LHX6: variants seen among roughly 807,000 people sequenced by gnomAD.
LHX6 encodes LIM/homeobox protein Lhx6.
Under a neutral mutation model 47.1 loss-of-function variants are expected in LHX6, and 15 were observed. The observed-to-expected ratio is 0.32, with a 90% CI of 0.21 to 0.49. The LOEUF (loss-of-function observed/expected upper bound fraction) is 0.49, where lower values mean the gene tolerates loss of function less well. Ranked by LOEUF, LHX6 falls within the 20% of genes least tolerant of loss-of-function variation. The probability of loss-of-function intolerance (pLI) is 0.99; values close to 1 mark genes in which losing one functional copy is unlikely to be tolerated. For missense variants in LHX6, 404 were observed against 539.6 expected, an observed-to-expected ratio of 0.75 and a Z score of 2.49; for synonymous variants, 242 against 233.5, an observed-to-expected ratio of 1.04 and a Z score of -0.33.
At chr9:122,208,779 G>A (rs1469422655) in intron 9 of LHX6, among the ~76,000 whole-genome samples, 2 of 149,880 alleles carry the variant, frequency 1.3e-5, no homozygotes, top group Admixed American at 6.7e-5. Flanking sequence ...AGGTTGCAGT[G>A]AGCCGAGATT....
rs1208661250 is a variant in LHX6, at chr9:122,217,302, G to A, written c.462-14C>T. ...GTCCCGAATCGGCTGCAGGTCGAGA[G>A]GACAGGCACGGGGTGTCGAGACTCA... is the stretch of plus-strand genomic sequence containing the variant. On this transcript the variant is annotated splice_polypyrimidine_tract_variant and intron_variant, in intron 4 of 9. Transcript: ENST00000394319. The surrounding 1 kb of genome is among the most constrained non-coding windows in gnomAD (Gnocchi z 4.9). The A allele has an allele frequency of 1.2e-6, 2 of 1,600,930 alleles. No individual in the cohort carries two copies. The highest frequency in any genetic ancestry group is 8.5e-7 in the Non-Finnish European group (1 of 1,175,530).
intron 5 of LHX6, 76 bp downstream of exon 5, chr9:122,216,992 G>A: frequency 3.2e-6 from 4 of 1,254,498 alleles, no homozygotes; most frequent in Non-Finnish European, 4.6e-6. Flanking sequence ...GAGTGTGGGT[G>A]GTTCCTGGGG....
chr9:122,214,313 C>A lies in LHX6; in HGVS notation c.753G>T (p.Ala251=). 1 of 1,599,676 alleles carries A rather than the reference C, an allele frequency of 6.3e-7. No homozygotes were observed. The highest frequency in any genetic ancestry group is 1.7e-5 in the Admixed American group (1 of 58,702). Residue 251 remains alanine, a synonymous_variant, in exon 6 of 10, where the codon GCG becomes GCT. Coordinates refer to ENST00000394319, the MANE Select transcript of LHX6 (RefSeq NM_014368.5). This position sits in a 1 kb window ranked among gnomAD's most constrained non-coding sequence, Gnocchi z 4.6. ...QDSQPKPAKR[A]RTSFTAEQLQ... ...GCTGTTCCGCGGTGAAGGACGTCCGCGCGCGCTTGGCCGGCTTGGGTTGAC... is the reference window on the plus strand; with the variant it reads ...GCTGTTCCGCGGTGAAGGACGTCCGAGCGCGCTTGGCCGGCTTGGGTTGAC...
intron 4 of LHX6, among the ~76,000 whole-genome samples, chr9:122,219,497 C>T (rs1055142780): frequency 1.3e-5 from 2 of 152,182 alleles, no homozygotes; most frequent in East Asian, 3.9e-4. Context: ...CCGGGTTCCG[C>T]CACCCGGCTG....
At chr9:122,209,790 A>G (rs1830331497) in intron 8 of LHX6, 73 bp from the exon 9 acceptor site, 8 of 672,260 alleles carry the variant, frequency 1.2e-5, no homozygotes, top group Middle Eastern at 2.6e-4. Flanking sequence ...CGTGCTCTCT[A>G]CAGACTGGAG....
At chr9:122,222,309 T>A (rs1373024919) in intron 4 of LHX6, among the ~76,000 whole-genome samples, 1 of 152,212 alleles carries the variant, frequency 6.6e-6, no homozygotes, top group Admixed American at 6.5e-5. Context: ...GGAGCACTAT[T>A]CTTCCTCCAG....
In LHX6 at chr9:122,217,731, G is replaced by A. The variant is rs1035641690; in HGVS notation, c.462-443C>T. ...AGAGAGGTAAAGTAACTTGCAGGAG[G>A]TCACACCGCTTGCAATGATAGGAAC... On this transcript the variant is annotated intron_variant, in intron 4 of 9. Transcript: ENST00000394319. This position sits in a 1 kb window ranked among gnomAD's most constrained non-coding sequence, Gnocchi z 4.9. 6.6e-6 allele frequency among the ~76,000 whole-genome samples: 1 copy of A among 152,130 alleles called. No individual in the cohort carries two copies. Among genetic ancestry groups the A allele is most frequent in the Non-Finnish European group, 1.5e-5 (1 of 68,028 alleles).
At chr9:122,205,643 G>A (rs892258521) in intron 9 of LHX6, among the ~76,000 whole-genome samples, 4 of 152,250 alleles carry the variant, frequency 2.6e-5, no homozygotes, top group Middle Eastern at 3.4e-3. Flanking sequence ...CCCAGAACTG[G>A]TTATCACAAG....
chr9:122,213,645 C>T lies in LHX6; in HGVS notation c.1015G>A (p.Glu339Lys), dbSNP rs1156240673. 4 of 1,608,910 alleles carry T rather than the reference C, an allele frequency of 2.5e-6. No individual in the cohort carries two copies. In the South Asian group the frequency reaches 3.3e-5, roughly 13 times the overall value. ...DIHYTPFSSP[E>K]RARMVTLHGY... ...TGCAGGGTGACCATGCGCGCCCGCT[C>T]GGGGCTGCTGAACGGGGTGTAGTGG... Residue 339 changes from glutamate to lysine, a missense_variant, in exon 8 of 10, where the codon GAG (glutamate) becomes AAG (lysine). Physicochemically the swap from Glu to Lys is moderately conservative, Grantham distance 56. Coordinates refer to ENST00000394319, the MANE Select transcript of LHX6 (RefSeq NM_014368.5). This position sits in a 1 kb window ranked among gnomAD's most constrained non-coding sequence, Gnocchi z 5.5.
chr9:122,210,994 G>C (rs1830378284), intron 8 of LHX6, among the ~76,000 whole-genome samples: 2 of 152,224 alleles, frequency 1.3e-5, no homozygotes, highest in Non-Finnish European at 2.9e-5. Flanking sequence ...CCAGCACCTA[G>C]AGTGAGGCAT....
chr9:122,228,351 G>A (rs1481283698), intron 1 of LHX6: 2 of 1,531,142 alleles, frequency 1.3e-6, no homozygotes, highest in Non-Finnish European at 8.7e-7. Flanking sequence ...CACAACCCCC[G>A]GCGCATCGGC....
chr9:122,227,499 G>GC lies in LHX6; in HGVS notation c.85-20_85-19insG. 2.4e-5 allele frequency: 16 copies of GC among 656,198 alleles called. No homozygotes were observed. The highest frequency in any genetic ancestry group is 5.3e-5 in the East Asian group (1 of 18,938). 40.6% of individuals were successfully genotyped at this position (656,198 alleles called of 1,614,324 possible). ...CCATCACCTGGGGGAGGGGGGGAGG[G>GC]AACGCAGGCGGCGGCGGCTGCTGAA... is the stretch of plus-strand genomic sequence containing the variant. On this transcript the variant is annotated intron_variant, in intron 1 of 9. Transcript: ENST00000394319.
intron 4 of LHX6, chr9:122,221,445 C>T: frequency 1.0e-6 from 1 of 985,498 alleles, no homozygotes; most frequent in South Asian, 4.7e-5. Flanking sequence ...GCTTCTCCCG[C>T]TGGAGCCCGC....
intron 1 of LHX6, 170 bp downstream of exon 1, chr9:122,228,487 C>CT: frequency 7.7e-6 from 8 of 1,044,268 alleles, no homozygotes; most frequent in South Asian, 1.8e-5. Context: ...CTTTCCGCGA[C>CT]CCCCCCCCCC....
Position 122,214,549 on chromosome 9 carries a change from G to T in LHX6, c.683-166C>A, listed in dbSNP as rs1830526450. ...CCTGAGCTCAGTCTTTGGGGAAGGG[G>T]TTTCTGAGCGTCCGCTTAGTACTGG... On this transcript the variant is annotated intron_variant, in intron 5 of 9. Transcript: ENST00000394319. The surrounding 1 kb of genome is among the most constrained non-coding windows in gnomAD (Gnocchi z 4.6). The T allele has an allele frequency of 1.7e-6, 1 of 582,070 alleles. No individual in the cohort carries two copies. Among genetic ancestry groups the T allele is most frequent in the Non-Finnish European group, 2.2e-6 (1 of 461,264 alleles). 36.1% of individuals were successfully genotyped at this position (582,070 alleles called of 1,614,324 possible). A position where few individuals can be genotyped will look rare whatever the true frequency, so the allele number is the denominator to read the frequency against.
chr9:122,221,782 C>T (rs1253883933), intron 4 of LHX6: 2 of 964,862 alleles, frequency 2.1e-6, no homozygotes, highest in African/African-American at 3.5e-5. Flanking sequence ...GGCAGGGACT[C>T]TTTGGATCAG....
intron 8 of LHX6, 44 bp from the exon 9 acceptor site, chr9:122,209,761 C>T (rs746984855): frequency 1.1e-5 from 8 of 750,172 alleles, no homozygotes; most frequent in African/African-American, 3.4e-5. Flanking sequence ...CCAGGCTGCA[C>T]ACAGGATCCC....
intron 9 of LHX6, among the ~76,000 whole-genome samples, chr9:122,208,116 C>T (rs1233894170): frequency 6.6e-6 from 1 of 152,132 alleles, no homozygotes; most frequent in African/African-American, 2.4e-5. Context: ...TCCAGGACCC[C>T]ACACTGCCGC....
Position 122,226,275 on chromosome 9 carries a change from GC to G in LHX6, c.461+100del. 7.0e-7 allele frequency: 1 copy of G among 1,435,508 alleles called. No individual in the cohort carries two copies. The highest frequency in any genetic ancestry group is 2.4e-5 in the Admixed American group (1 of 41,716). The allele number at this position is 1,435,508 out of a possible 1,614,324, so 88.9% of individuals were successfully genotyped here. A position where few individuals can be genotyped will look rare whatever the true frequency, so the allele number is the denominator to read the frequency against. ...TGCGCGCCGGAAGTGCACTCGGGAC[GC>G]CGGGGTTCTGGAGGAGAGACCACAC... is the stretch of plus-strand genomic sequence containing the variant. On this transcript the variant is annotated intron_variant, in intron 4 of 9. Transcript: ENST00000394319. This position sits in a 1 kb window ranked among gnomAD's most constrained non-coding sequence, Gnocchi z 6.5.
Sources: gnomAD v4.1 joint callset for allele counts (sites outside exome capture counted in the v4.1 genomes callset) on GRCh38, gnomAD v4.1.1 for gene constraint, Gnocchi (gnomAD v3.1) non-coding constraint, MANE v1.5 for transcripts, NCBI Gene and HGNC (gene_info 2026-07-23, HGNC 2026-07-21) for gene names.